METTL25: variants seen among roughly 807,000 people sequenced by gnomAD.
METTL25 encodes methyltransferase like 25.
METTL25 carries 64 observed loss-of-function variants against 71.6 expected under a neutral mutation model. The observed-to-expected ratio is 0.89, with a 90% CI of 0.73 to 1.10. The LOEUF is 1.10. Ranked by LOEUF, METTL25 falls within the 50% of genes least tolerant of loss-of-function variation. METTL25 has a pLI of 0.00. For synonymous variants in METTL25, 287 were observed against 250.3 expected (o/e 1.15, Z -1.38); for missense variants, 807 against 707.0 (o/e 1.14, Z -1.60).
intron 1 of METTL25, among the ~76,000 whole-genome samples, chr12:82,368,012 T>A (rs1235645079): frequency 6.6e-6 from 1 of 152,024 alleles, no homozygotes; most frequent in Non-Finnish European, 1.5e-5. Context: ...TAAAAGTAAA[T>A]GAGATATATA....
intron 1 of METTL25, among the ~76,000 whole-genome samples, chr12:82,361,369 T>C (rs888244223): frequency 2.6e-5 from 4 of 152,208 alleles, no homozygotes; most frequent in Admixed American, 6.5e-5. Context: ...GGATCCCACG[T>C]TGGGGCTGCA....
At position 82,399,130 on chromosome 12, in the gene METTL25, C is replaced by T. The variant is rs1886352409; in HGVS notation, c.867C>T (p.Ile289=). Residue 289 remains isoleucine (I), a synonymous_variant, in exon 4 of 12, where the codon ATC becomes ATT. Coordinates refer to ENST00000248306, the MANE Select transcript of METTL25 (RefSeq NM_032230.3). The part of the protein sequence containing the change: ...PDFSGSVISN[I]RNQMETLHSQ... ...TTTCTGGCTCTGTAATTTCTAATAT[C>T]AGAAACCAAATGGAAACCCTTCATT... 1.2e-6 allele frequency: 2 copies of T among 1,613,646 alleles called. No homozygotes were observed. The highest frequency in any genetic ancestry group is 2.7e-5 in the African/African-American group (2 of 74,920).
At chr12:82,396,842 A>G (rs545439318) in intron 3 of METTL25, among the ~76,000 whole-genome samples, 27 of 152,246 alleles carry the variant, frequency 1.8e-4, no homozygotes, top group African/African-American at 5.8e-4. Context: ...AAATGGAATC[A>G]TAGTATGTAG....
At chr12:82,403,541 T>C (rs560164399) in intron 5 of METTL25, among the ~76,000 whole-genome samples, 1 of 152,316 alleles carries the variant, frequency 6.6e-6, no homozygotes, top group South Asian at 2.1e-4. Context: ...GAAGGAATAC[T>C]GATATTTAAA....
chr12:82,451,915 G>A (rs1891171734), intron 8 of METTL25, among the ~76,000 whole-genome samples: 1 of 151,972 alleles, frequency 6.6e-6, no homozygotes, highest in Non-Finnish European at 1.5e-5. Flanking sequence ...AACACAGTGT[G>A]ACATCTTTTC....
At chr12:82,370,935 T>C (rs1883165843) in intron 1 of METTL25, among the ~76,000 whole-genome samples, 1 of 152,238 alleles carries the variant, frequency 6.6e-6, no homozygotes, top group Non-Finnish European at 1.5e-5. Flanking sequence ...GTTTTTGCAC[T>C]GCATGCAATA....
chr12:82,412,326 T>C (rs1887614187), intron 5 of METTL25, among the ~76,000 whole-genome samples: 1 of 152,148 alleles, frequency 6.6e-6, no homozygotes, highest in East Asian at 1.9e-4. Context: ...ATTCAATTGA[T>C]TTCATAAGGC....
chr12:82,362,972 T>C (rs1225643766), intron 1 of METTL25, among the ~76,000 whole-genome samples: 1 of 152,180 alleles, frequency 6.6e-6, no homozygotes. Flanking sequence ...AAGTCAGAGT[T>C]TATGGCTTTC....
intron 7 of METTL25, among the ~76,000 whole-genome samples, chr12:82,437,441 G>A (rs2137176813): frequency 6.6e-6 from 1 of 151,702 alleles, no homozygotes; most frequent in South Asian, 2.1e-4. Flanking sequence ...CGACTTCAGA[G>A]GGCAGTGCCA....
chr12:82,385,673 A>G (rs902878771), intron 1 of METTL25, among the ~76,000 whole-genome samples: 7 of 152,150 alleles, frequency 4.6e-5, no homozygotes, highest in African/African-American at 1.2e-4. Flanking sequence ...CAGTGTGCCT[A>G]TGTGCATCCA....
intron 1 of METTL25, among the ~76,000 whole-genome samples, chr12:82,370,471 C>T (rs1361627909): frequency 6.6e-6 from 1 of 152,102 alleles, no homozygotes; most frequent in Non-Finnish European, 1.5e-5. Context: ...TGGGTGGCAC[C>T]TCATACTATC....
intron 7 of METTL25, among the ~76,000 whole-genome samples, chr12:82,436,434 A>G (rs1464963885): frequency 1.3e-5 from 2 of 151,608 alleles, no homozygotes; most frequent in African/African-American, 4.8e-5. Flanking sequence ...ATAGTCAGGC[A>G]CAGACTGTTC....
At chr12:82,425,124 G>A (rs928460698) in intron 5 of METTL25, among the ~76,000 whole-genome samples, 1 of 152,052 alleles carries the variant, frequency 6.6e-6, no homozygotes, top group Non-Finnish European at 1.5e-5. Context: ...AGTATAGGTA[G>A]TGCAAAGGTT....
rs1369713614 is a variant in METTL25 at position 82,479,117 on chromosome 12, T to C, written c.*93T>C. The C allele has an allele frequency of 2.2e-6, 2 of 904,350 alleles. No homozygotes were observed. The highest frequency in any genetic ancestry group is 3.5e-6 in the Non-Finnish European group (2 of 575,022). The allele number at this position is 904,350 out of a possible 1,614,324, so 56.0% of individuals were successfully genotyped here. ...CATATATGTCCTGTTATACAAAAAT[T>C]TTTAAATGACTGTTATGTATTTTAA... On this transcript the variant is annotated 3_prime_UTR_variant, in exon 12 of 12. Coordinates refer to ENST00000248306, the MANE Select transcript of METTL25 (RefSeq NM_032230.3).
intron 3 of METTL25, among the ~76,000 whole-genome samples, chr12:82,394,451 C>T (rs535037945): frequency 7.2e-5 from 11 of 152,084 alleles, no homozygotes; most frequent in East Asian, 5.8e-4. Flanking sequence ...TCCCTACATG[C>T]CGAACACCTT....
chr12:82,395,356 G>C (rs1255058269), intron 3 of METTL25, among the ~76,000 whole-genome samples: 2 of 151,964 alleles, frequency 1.3e-5, no homozygotes, highest in African/African-American at 4.8e-5. Context: ...TTTCTTTGTT[G>C]AAAATGGAGT....
At chr12:82,369,910 C>T (rs1883028558) in intron 1 of METTL25, among the ~76,000 whole-genome samples, 1 of 151,990 alleles carries the variant, frequency 6.6e-6, no homozygotes, top group African/African-American at 2.4e-5. Context: ...TGCGTTTTTA[C>T]AGAGTGCTGA....
At position 82,390,042 on chromosome 12, in the gene METTL25, T is replaced by G. The variant is rs1592633918; in HGVS notation, c.531+120T>G. On this transcript the variant is annotated intron_variant, in intron 3 of 11. Transcript: ENST00000248306. ...AATGTCATTAAATAATAGCATCATTTAAACATCAGATCCTTTAAACATCAG... is the reference window on the plus strand; with the variant it reads ...AATGTCATTAAATAATAGCATCATTGAAACATCAGATCCTTTAAACATCAG... The G allele has an allele frequency of 2.1e-5, 13 of 626,608 alleles. No homozygotes were observed. In the East Asian group the frequency reaches 4.0e-4, roughly 19 times the overall value. 38.8% of individuals were successfully genotyped at this position (626,608 alleles called of 1,614,324 possible). A position where few individuals can be genotyped will look rare whatever the true frequency, so the allele number is the denominator to read the frequency against.
intron 9 of METTL25, among the ~76,000 whole-genome samples, chr12:82,457,688 T>C (rs1168206478): frequency 3.3e-5 from 5 of 152,030 alleles, no homozygotes; most frequent in Admixed American, 3.3e-4. Context: ...GCAGTGTATA[T>C]AGTAAATGCT....
Sources: gnomAD v4.1 joint callset for allele counts (sites outside exome capture counted in the v4.1 genomes callset) on GRCh38, gnomAD v4.1.1 for gene constraint, MANE v1.5 for transcripts, NCBI Gene and HGNC (gene_info 2026-07-23, HGNC 2026-07-21) for gene names.